ADAMTS17: variants seen among roughly 807,000 people sequenced by gnomAD.
ADAMTS17 encodes the protein ADAM metallopeptidase with thrombospondin type 1 motif 17, also known as A disintegrin and metalloproteinase with thrombospondin motifs 17.
In ADAMTS17, 113 loss-of-function variants were observed where a neutral mutation model predicts 141.5. The ratio of observed to expected loss-of-function variants is 0.80; its 90% CI spans 0.69 to 0.93. The LOEUF (loss-of-function observed/expected upper bound fraction) is 0.93. ADAMTS17 is among the 40% of genes least tolerant of loss of function. The pLI, the probability that ADAMTS17 is intolerant of heterozygous loss-of-function variation, is 0.00. For synonymous variants in ADAMTS17, 768 were observed against 630.6 expected (o/e 1.22, Z -3.27); for missense variants, 1,659 against 1,517.9 (o/e 1.09, Z -1.54).
chr15:100,185,384 C>T (rs974973624), intron 8 of ADAMTS17, among the ~76,000 whole-genome samples: 1 of 152,214 alleles, frequency 6.6e-6, no homozygotes, highest in Non-Finnish European at 1.5e-5. Flanking sequence ...CCTGTGAACC[C>T]ACAGTGTGCA....
At chr15:100,014,959 T>A (rs2061258504) in intron 18 of ADAMTS17, among the ~76,000 whole-genome samples, 1 of 152,220 alleles carries the variant, frequency 6.6e-6, no homozygotes, top group Non-Finnish European at 1.5e-5. Flanking sequence ...ATCAGTGGAG[T>A]ACTGAAGTCC....
intron 9 of ADAMTS17, among the ~76,000 whole-genome samples, chr15:100,154,432 T>C (rs1426657527): frequency 6.6e-6 from 1 of 152,052 alleles, no homozygotes; most frequent in Non-Finnish European, 1.5e-5. Flanking sequence ...ATTCGTCGGG[T>C]ACTTGAATGT....
chr15:99,995,731 T>G (rs547731677), intron 19 of ADAMTS17, among the ~76,000 whole-genome samples: 3 of 152,204 alleles, frequency 2.0e-5, no homozygotes, highest in African/African-American at 7.2e-5. Flanking sequence ...AGTCTCACTT[T>G]GGGACTTCAG....
intron 15 of ADAMTS17, chr15:100,063,513 C>T (rs2033279067): frequency 6.6e-6 from 3 of 453,726 alleles, no homozygotes; most frequent in Non-Finnish European, 1.2e-5. Context: ...GCATGTTAGT[C>T]AAATATGACA....
intron 4 of ADAMTS17, among the ~76,000 whole-genome samples, chr15:100,277,417 C>A (rs904664568): frequency 2.6e-5 from 4 of 152,144 alleles, no homozygotes; most frequent in African/African-American, 9.7e-5. Flanking sequence ...AACAGCCACC[C>A]CTGCCTGGAT....
At chr15:100,128,948 C>T (rs1354396667) in intron 12 of ADAMTS17, 1 of 152,242 alleles carries the variant, frequency 6.6e-6, no homozygotes, top group Non-Finnish European at 1.5e-5. Flanking sequence ...CAGGGAAGCC[C>T]TAGCTAATGT....
In ADAMTS17 at chr15:99,973,843, C is replaced by A; in HGVS notation, c.*559G>T. On this transcript the variant is annotated 3_prime_UTR_variant, in exon 22 of 22. Transcript: ENST00000268070. ...GATTTAGAGACTATGTTCTCAGAGA[C>A]GGGCATGGAGGCAACGTCCTGGTTC... The A allele has an allele frequency of 5.4e-6, 1 of 186,788 alleles. No individual in the cohort carries two copies. Among genetic ancestry groups the A allele is most frequent in the South Asian group, 1.1e-4 (1 of 9,108 alleles). The allele number at this position is 186,788 out of a possible 1,614,324, so 11.6% of individuals were successfully genotyped here.
chr15:100,120,045 G>T (rs1450147115), intron 12 of ADAMTS17, among the ~76,000 whole-genome samples: 1 of 152,188 alleles, frequency 6.6e-6, no homozygotes, highest in African/African-American at 2.4e-5. Context: ...GCATTGCACA[G>T]GAGGGTCTCC....
chr15:100,179,977 G>GTC (rs750136182), intron 8 of ADAMTS17, among the ~76,000 whole-genome samples: 4 of 152,198 alleles, frequency 2.6e-5, no homozygotes, highest in Non-Finnish European at 4.4e-5. Context: ...TCTGTGGGGT[G>GTC]TCTCTTCACT....
At chr15:100,200,307 G>A (rs2041277147) in intron 7 of ADAMTS17, among the ~76,000 whole-genome samples, 1 of 152,158 alleles carries the variant, frequency 6.6e-6, no homozygotes, top group South Asian at 2.1e-4. Flanking sequence ...ATGTGGCTTT[G>A]GCAGAGGGAC....
intron 10 of ADAMTS17, among the ~76,000 whole-genome samples, chr15:100,147,283 C>T (rs920925956): frequency 5.9e-5 from 9 of 152,158 alleles, no homozygotes; most frequent in Admixed American, 3.3e-4. Flanking sequence ...AAAGAACCTA[C>T]GTGACTATCA....
intron 4 of ADAMTS17, among the ~76,000 whole-genome samples, chr15:100,269,040 C>T (rs1026093419): frequency 6.6e-6 from 1 of 152,092 alleles, no homozygotes; most frequent in Non-Finnish European, 1.5e-5. Flanking sequence ...GGAAAAGACT[C>T]CCCACTCAAT....
rs7183779 is a variant in ADAMTS17, at chr15:99,990,762, G to A, written c.2949+2286C>T. Among the ~76,000 whole-genome samples, 1,391 of 151,712 alleles carry A rather than the reference G, an allele frequency of 9.2e-3. 25 individuals carry two copies. Among genetic ancestry groups the A allele is most frequent in the African/African-American group, 0.032 (1,315 of 41,350 alleles). ...CAATGGAAAACCCATTTTTCCTTCC[G>A]TAAAGCACAGGCAGAAGCAAAATTA... On this transcript the variant is annotated intron_variant, in intron 20 of 21. Coordinates refer to ENST00000268070, the MANE Select transcript of ADAMTS17 (RefSeq NM_139057.4).
chr15:100,211,139 T>TAAATAAAAAAAA (rs1418716333), intron 7 of ADAMTS17, among the ~76,000 whole-genome samples: 20 of 141,402 alleles, frequency 1.4e-4, no homozygotes, highest in Non-Finnish European at 2.1e-4. Flanking sequence ...AATAAATAAA[T>TAAATAAAAAAAA]AAAAATACAA....
At chr15:100,094,182 T>C (rs1388955895) in intron 15 of ADAMTS17, among the ~76,000 whole-genome samples, 1 of 152,246 alleles carries the variant, frequency 6.6e-6, no homozygotes, top group African/African-American at 2.4e-5. Context: ...AACGTGTGCT[T>C]ATTTTTGCCT....
At position 100,183,313 on chromosome 15, in the gene ADAMTS17, C is replaced by A. The variant is rs202225088; in HGVS notation, c.1181+16005G>T. ...TGGGATTCCTGATACAAGCTTATAT[C>A]TTCCACAGATCCCTAAGGCCCAGCT... is the stretch of plus-strand genomic sequence containing the variant. On this transcript the variant is annotated intron_variant, in intron 8 of 21. Transcript: ENST00000268070. Among the ~76,000 whole-genome samples the A allele has an allele frequency of 1.1e-4, 17 of 152,304 alleles. No individual in the cohort carries two copies. In the East Asian group the frequency reaches 3.1e-3, roughly 28 times the overall value.
chr15:100,337,503 C>T (rs907099343), intron 2 of ADAMTS17, among the ~76,000 whole-genome samples: 1 of 152,242 alleles, frequency 6.6e-6, no homozygotes, highest in African/African-American at 2.4e-5. Flanking sequence ...GACCTTCTCA[C>T]AGTCCTTCAA....
intron 20 of ADAMTS17, among the ~76,000 whole-genome samples, chr15:99,980,956 T>C (rs750294069): frequency 2.0e-4 from 30 of 152,214 alleles, no homozygotes; most frequent in African/African-American, 3.9e-4. Flanking sequence ...CTCTTCCCAG[T>C]GGACCCCTCG....
At chr15:100,156,016 C>T (rs558668344) in intron 8 of ADAMTS17, among the ~76,000 whole-genome samples, 1 of 152,162 alleles carries the variant, frequency 6.6e-6, no homozygotes, top group African/African-American at 2.4e-5. Context: ...AGTTCTTATG[C>T]CCCAACGTGT....
Sources: gnomAD v4.1 joint callset for allele counts (sites outside exome capture counted in the v4.1 genomes callset) on GRCh38, gnomAD v4.1.1 for gene constraint, MANE v1.5 for transcripts, NCBI Gene and HGNC (gene_info 2026-07-23, HGNC 2026-07-21) for gene names.